CD48: variants seen among roughly 807,000 people sequenced by gnomAD.
The protein encoded by CD48 is CD48 antigen.
In CD48, 20 loss-of-function variants were observed where a neutral mutation model predicts 22.0. The ratio of observed to expected loss-of-function variants is 0.91; its 90% confidence interval spans 0.64 to 1.32. The LOEUF (loss-of-function observed/expected upper bound fraction) is 1.32. Among genes scored for constraint, CD48 ranks in the 40% most tolerant of loss-of-function variants. The pLI is 0.00. For missense variants in CD48, 307 were observed against 286.5 expected (o/e 1.07, Z -0.52); for synonymous variants, 110 against 110.1 (o/e 1.00, Z 0.01).
chr1:160,704,929 G>A (rs956189700), intron 1 of CD48, among the ~76,000 whole-genome samples: 2 of 152,128 alleles, frequency 1.3e-5, no homozygotes, highest in African/African-American at 4.8e-5. Flanking sequence ...CCTTTTTGTG[G>A]AGGGAGAACT....
chr1:160,680,083 A>T (rs1207818046), intron 3 of CD48, among the ~76,000 whole-genome samples: 1 of 152,188 alleles, frequency 6.6e-6, no homozygotes, highest in African/African-American at 2.4e-5. Context: ...GCAGTTAAGG[A>T]GGGTAGACAG....
intron 1 of CD48, among the ~76,000 whole-genome samples, chr1:160,706,987 C>T (rs7525826): frequency 0.035 from 5,305 of 152,238 alleles, 127 homozygotes; most frequent in African/African-American, 0.07. Context: ...TCTAGTAAAA[C>T]TCTTAAGGAA....
chr1:160,697,277 A>C (rs1662463334), intron 1 of CD48, among the ~76,000 whole-genome samples: 1 of 152,310 alleles, frequency 6.6e-6, no homozygotes, highest in Admixed American at 6.5e-5. Context: ...TAGACATTTG[A>C]AGTTCTACAA....
chr1:160,708,707 G>A (rs1411426122), intron 1 of CD48, among the ~76,000 whole-genome samples: 7 of 152,286 alleles, frequency 4.6e-5, no homozygotes, highest in Non-Finnish European at 7.4e-5. Flanking sequence ...GGAGCAGTAG[G>A]TTTGGGGGAA....
chr1:160,688,635 A>G (rs961992846), intron 1 of CD48, among the ~76,000 whole-genome samples: 2 of 152,184 alleles, frequency 1.3e-5, no homozygotes, highest in African/African-American at 4.8e-5. Context: ...AACAGTCAAA[A>G]TAGTTTTCCC....
chr1:160,678,824 G>A lies in CD48; in HGVS notation c.*228C>T. The A allele has an allele frequency of 2.5e-6, 1 of 402,036 alleles. No homozygotes were observed. The highest frequency in any genetic ancestry group is 6.3e-5 in the South Asian group (1 of 15,806). The allele number at this position is 402,036 out of a possible 1,614,324, so 24.9% of individuals were successfully genotyped here. ...TCACATAATGTTGTCACAATTTTGG[G>A]TGGGAAAAAAGCATGTGTATCTCTA... On this transcript the variant is annotated 3_prime_UTR_variant, in exon 4 of 4. Coordinates refer to ENST00000368046, the MANE Select transcript of CD48 (RefSeq NM_001778.4).
intron 2 of CD48, among the ~76,000 whole-genome samples, chr1:160,681,911 G>A (rs187576694): frequency 1.4e-4 from 21 of 152,284 alleles, no homozygotes; most frequent in African/African-American, 5.1e-4. Flanking sequence ...AGAGTCCTAA[G>A]GTAAGAGGTA....
intron 1 of CD48, among the ~76,000 whole-genome samples, chr1:160,687,982 T>A (rs913823675): frequency 3.9e-5 from 6 of 152,248 alleles, no homozygotes; most frequent in African/African-American, 1.4e-4. Flanking sequence ...ATCAGTCTCA[T>A]TATAGGAATA....
rs956786035 is a variant in CD48 at position 160,693,788 on chromosome 1, G to C, written c.83-8599C>G. ...AACCATTGTCGGGAAACTAGCAAAG[G>C]GGCCAGCCTCAGGCCCTGCAACAAA... On this transcript the variant is annotated intron_variant, in intron 1 of 3. Coordinates refer to ENST00000368046, the MANE Select transcript of CD48 (RefSeq NM_001778.4). Among the ~76,000 whole-genome samples the C allele has an allele frequency of 2.0e-5, 3 of 152,234 alleles. No individual in the cohort carries two copies. The East Asian group carries it at 5.8e-4, about 29-fold the overall frequency.
chr1:160,693,021 G>A (rs375247476), intron 1 of CD48, among the ~76,000 whole-genome samples: 6 of 152,236 alleles, frequency 3.9e-5, no homozygotes, highest in South Asian at 2.1e-4. Flanking sequence ...GAACAGGTCC[G>A]AAGAAATAGG....
chr1:160,703,861 G>A (rs1031879386), intron 1 of CD48, among the ~76,000 whole-genome samples: 4 of 152,190 alleles, frequency 2.6e-5, no homozygotes, highest in Non-Finnish European at 4.4e-5. Flanking sequence ...CCCTGGGGCA[G>A]GGATTTGCCT....
chr1:160,710,426 C>T (rs759624277), intron 1 of CD48, among the ~76,000 whole-genome samples: 181 of 151,236 alleles, frequency 1.2e-3, no homozygotes, highest in Non-Finnish European at 2.1e-3. Flanking sequence ...TTACTAACCT[C>T]ATCAAAACCA....
At position 160,681,064 on chromosome 1, in the gene CD48, G is replaced by T. The variant is rs749645176; in HGVS notation, c.652+138C>A. On this transcript the variant is annotated intron_variant, in intron 3 of 3. Transcript: ENST00000368046. ...TGGTAGAGCTGGTGGCAGAACCCAC[G>T]TCTCCCAGCTCTCCCAGACACCTTA... 3 of 1,520,428 alleles carry T rather than the reference G, an allele frequency of 2.0e-6. No individual in the cohort carries two copies. In the African/African-American group the frequency reaches 4.1e-5, roughly 21 times the overall value. The allele number at this position is 1,520,428 out of a possible 1,614,324, so 94.2% of individuals were successfully genotyped here.
intron 1 of CD48, among the ~76,000 whole-genome samples, chr1:160,703,322 A>T (rs527553178): frequency 6.6e-6 from 1 of 152,314 alleles, no homozygotes; most frequent in Admixed American, 6.5e-5. Flanking sequence ...TAACATAAGG[A>T]GAAGTAGGAC....
chr1:160,681,294 G>A lies in CD48; in HGVS notation c.560C>T (p.Pro187Leu). The change falls in exon 3 of 4, where the codon CCA (proline) becomes CTA (leucine). Residue 187 changes from proline (P) to leucine (L), a missense_variant. Pro to Leu is a moderately conservative substitution (Grantham distance 98). Transcript: ENST00000368046. The part of the protein sequence containing the change: ...QNSVLETTLM[P>L]HNYSRCYTCQ... The stretch of plus-strand genomic sequence containing the variant: ...AGTATAACACCTGGAGTAATTATGT[G>A]GCATAAGGGTGGTTTCAAGCACACT... The A allele has an allele frequency of 3.1e-6, 5 of 1,614,178 alleles. 1 individual carries two copies. The South Asian group carries it at 4.4e-5, about 14-fold the overall frequency.
Position 160,681,406 on chromosome 1 carries a change from G to C in CD48, c.448C>G (p.Leu150Val). The C allele has an allele frequency of 6.2e-7, 1 of 1,614,154 alleles. No homozygotes were observed. Among genetic ancestry groups the C allele is most frequent in the Non-Finnish European group, 8.5e-7 (1 of 1,180,010 alleles). The change falls in exon 3 of 4, where the codon CTG (leucine) becomes GTG (valine). Residue 150 changes from leucine (L) to valine (V), a missense_variant. Coordinates refer to ENST00000368046, the MANE Select transcript of CD48 (RefSeq NM_001778.4). The stretch of plus-strand genomic sequence containing the variant: ...CCAGGTATCACACATGACAGTTTCA[G>C]ATAACAGTTGTCATCCATGTCTTCT... ...KIEDMDDNCY[L>V]KLSCVIPGES...
chr1:160,681,559 G>A (rs1661805445), intron 2 of CD48, 91 bp from the exon 3 acceptor site: 5 of 1,485,686 alleles, frequency 3.4e-6, no homozygotes, highest in Non-Finnish European at 3.6e-6. Context: ...TCCAGGGAAG[G>A]GGCCTGAATG....
At chr1:160,697,563 G>A (rs1473860656) in intron 1 of CD48, among the ~76,000 whole-genome samples, 1 of 152,282 alleles carries the variant, frequency 6.6e-6, no homozygotes, top group Non-Finnish European at 1.5e-5. Flanking sequence ...AGTCCTAACA[G>A]TAGATTCACT....
chr1:160,694,316 C>T (rs917487538), intron 1 of CD48, among the ~76,000 whole-genome samples: 3 of 152,156 alleles, frequency 2.0e-5, no homozygotes, highest in Non-Finnish European at 4.4e-5. Context: ...AGAGAACAGA[C>T]CTGTGTGTAA....
Sources: allele counts gnomAD v4.1 joint callset (sites outside exome capture counted in the v4.1 genomes callset), GRCh38; gene constraint gnomAD v4.1.1; transcripts MANE v1.5; gene names NCBI Gene and HGNC (gene_info 2026-07-23, HGNC 2026-07-21).